The following SLC16A2 variants were observed in gnomAD, a reference collection of about 807,000 sequenced individuals.
SLC16A2 encodes monocarboxylate transporter 8.
In SLC16A2, 3 loss-of-function variants were observed where a neutral mutation model predicts 27.2. That is an observed-to-expected ratio of 0.11 (90% confidence interval 0.05 to 0.28). The LOEUF (loss-of-function observed/expected upper bound fraction) is 0.28. Among genes scored for constraint, SLC16A2 ranks in the 10% least tolerant of loss-of-function variants. The pLI, the probability that SLC16A2 is intolerant of heterozygous loss-of-function variation, is 1.00. For synonymous variants in SLC16A2, 202 were observed against 187.8 expected (o/e 1.08, Z -0.62); for missense variants, 295 against 458.5 (o/e 0.64, Z 3.26).
chrX:74,495,024 T>A (rs1929908457), intron 1 of SLC16A2, among the ~76,000 whole-genome samples: 2 of 111,582 alleles, frequency 1.8e-5, no homozygotes, highest in Non-Finnish European at 3.8e-5. Flanking sequence ...GTGATCTCCC[T>A]GGCCCATTTC....
intron 1 of SLC16A2, among the ~76,000 whole-genome samples, chrX:74,466,428 A>T (rs984126210): frequency 1.8e-5 from 2 of 111,563 alleles, no homozygotes; most frequent in African/African-American, 6.5e-5. Context: ...CTCATGTCTC[A>T]TGTCCTTTAC....
At chrX:74,447,976 ACT>A (rs1192783862) in intron 1 of SLC16A2, among the ~76,000 whole-genome samples, 1 of 111,294 alleles carries the variant, frequency 9.0e-6, no homozygotes, top group African/African-American at 3.3e-5. Context: ...ACAGAGTGAG[ACT>A]CTGTCTCAAA....
chrX:74,498,585 G>A (rs1301446497), intron 1 of SLC16A2, among the ~76,000 whole-genome samples: 1 of 111,783 alleles, frequency 8.9e-6, no homozygotes, highest in East Asian at 2.8e-4. Context: ...TCTTCTGCAT[G>A]GCTGACCTTG....
intron 1 of SLC16A2, among the ~76,000 whole-genome samples, chrX:74,484,148 C>T (rs1929674884): frequency 8.9e-6 from 1 of 112,004 alleles, no homozygotes; most frequent in African/African-American, 3.2e-5. Flanking sequence ...GATATTTATT[C>T]TGAGCCAAAT....
chrX:74,442,695 G>A (rs1928772763), intron 1 of SLC16A2, among the ~76,000 whole-genome samples: 1 of 112,368 alleles, frequency 8.9e-6, no homozygotes, highest in South Asian at 3.7e-4. Context: ...AGTGGCTCAC[G>A]CCTGTAATCC....
chrX:74,520,377 A>C (rs1010439014), intron 1 of SLC16A2, among the ~76,000 whole-genome samples: 2 of 112,034 alleles, frequency 1.8e-5, no homozygotes, highest in African/African-American at 6.5e-5. Flanking sequence ...TCTAAATAAA[A>C]GGGCAAGTTC....
chrX:74,500,092 A>G (rs185189063), intron 1 of SLC16A2, among the ~76,000 whole-genome samples: 253 of 104,190 alleles, frequency 2.4e-3, no homozygotes, highest in Non-Finnish European at 3.3e-3. Context: ...TTTGGCATTA[A>G]AATGAGGTAT....
At chrX:74,508,769 G>A (rs1051155444) in intron 1 of SLC16A2, among the ~76,000 whole-genome samples, 2 of 111,238 alleles carry the variant, frequency 1.8e-5, no homozygotes, top group Admixed American at 9.5e-5. Context: ...GTAAACATGT[G>A]TCACGGGGGT....
At chrX:74,509,704 C>T (rs746870731) in intron 1 of SLC16A2, among the ~76,000 whole-genome samples, 15 of 111,317 alleles carry the variant, frequency 1.3e-4, no homozygotes, top group African/African-American at 4.9e-4. Flanking sequence ...GCTGGGACTA[C>T]AGGCACGTGC....
rs1484354581 is a variant in SLC16A2 at position 74,489,968 on chromosome X, CAT to C, written c.431-31020_431-31019del. Among the ~76,000 whole-genome samples the C allele has an allele frequency of 2.0e-3, 138 of 68,681 alleles. 1 individual carries two copies. Among genetic ancestry groups the C allele is most frequent in the African/African-American group, 8.2e-3 (126 of 15,324 alleles). The allele number at this position is 68,681 out of a possible 115,157, so 59.6% of individuals were successfully genotyped here. On this transcript the variant is annotated intron_variant, in intron 1 of 5. Coordinates refer to ENST00000587091, the MANE Select transcript of SLC16A2 (RefSeq NM_006517.5). Reference sequence around the variant, plus strand: ...AGAAGTCTATTATAAAGGTCACACACATACACACACACACACACACACACACA... The same window carrying C: ...AGAAGTCTATTATAAAGGTCACACACACACACACACACACACACACACACA...
intron 1 of SLC16A2, among the ~76,000 whole-genome samples, chrX:74,487,837 C>G: frequency 9.0e-6 from 1 of 111,231 alleles, no homozygotes; most frequent in South Asian, 3.8e-4. Context: ...TATCTGTATA[C>G]TTTTTCCTTC....
chrX:74,452,654 G>A (rs1928964544), intron 1 of SLC16A2, among the ~76,000 whole-genome samples: 1 of 111,095 alleles, frequency 9.0e-6, no homozygotes, highest in Non-Finnish European at 1.9e-5. Flanking sequence ...CATATGTGAT[G>A]TATACATATA....
At chrX:74,478,463 G>A (rs1228439507) in intron 1 of SLC16A2, among the ~76,000 whole-genome samples, 1 of 111,722 alleles carries the variant, frequency 9.0e-6, no homozygotes, top group Non-Finnish European at 1.9e-5. Context: ...TTTTAATTGG[G>A]AGCATTTAGC....
rs1569281020 is a variant in SLC16A2, at chrX:74,421,734, T to TGAGCCGGAGC, written c.97_98insGAGCCGGAGC (p.Ser33Ter). ...GCCGGTGGGTAGCCCAGAGCCGGAG[T>TGAGCCGGAGC]CTGAGCCGGAGCCTGAGCCCGAGCC... On this transcript the variant is annotated stop_gained and frameshift_variant, in exon 1 of 6. Coordinates refer to ENST00000587091, the MANE Select transcript of SLC16A2 (RefSeq NM_006517.5). LOFTEE classifies it high-confidence loss of function. 8.6e-6 allele frequency: 10 copies of TGAGCCGGAGC among 1,163,318 alleles called. No homozygotes were observed. The Admixed American group carries it at 1.0e-4, about 12-fold the overall frequency.
intron 4 of SLC16A2, among the ~76,000 whole-genome samples, chrX:74,526,252 C>T (rs368805527): frequency 2.3e-4 from 26 of 112,124 alleles, no homozygotes; most frequent in African/African-American, 8.4e-4. Context: ...ATCTACCTGG[C>T]AGCAGTATTG....
chrX:74,460,675 G>C (rs1929122141), intron 1 of SLC16A2, among the ~76,000 whole-genome samples: 1 of 111,337 alleles, frequency 9.0e-6, no homozygotes. Context: ...TTTTGAGACG[G>C]AGTCTTGCTC....
At chrX:74,427,815 A>G (rs149797122) in intron 1 of SLC16A2, among the ~76,000 whole-genome samples, 12,144 of 73,287 alleles carry the variant, frequency 0.17, 589 homozygotes, top group East Asian at 0.52. Context: ...GCGCGCGCAC[A>G]CACACACACA....
At chrX:74,497,115 G>A (rs1413906767) in intron 1 of SLC16A2, among the ~76,000 whole-genome samples, 12 of 111,962 alleles carry the variant, frequency 1.1e-4, no homozygotes, top group Non-Finnish European at 1.9e-4. Context: ...TGGCAGGCCA[G>A]GGGAGGTCTT....
intron 1 of SLC16A2, among the ~76,000 whole-genome samples, chrX:74,427,811 GCACACACACA>G (rs35510872): frequency 3.7e-4 from 38 of 101,725 alleles, no homozygotes; most frequent in Non-Finnish European, 2.4e-4. Flanking sequence ...GCACGCGCGC[GCACACACACA>G]CACACACACA....
Sources: allele counts gnomAD v4.1 joint callset (sites outside exome capture counted in the v4.1 genomes callset), GRCh38; gene constraint gnomAD v4.1.1; transcripts MANE v1.5; gene names NCBI Gene and HGNC (gene_info 2026-07-23, HGNC 2026-07-21).